The following DNM1 variants were observed in gnomAD, a reference collection of about 807,000 sequenced individuals.
DNM1 encodes dynamin-1.
DNM1 carries 29 observed loss-of-function variants against 104.6 expected under a neutral mutation model. The observed-to-expected ratio is 0.28, with a 90% CI of 0.21 to 0.38. The LOEUF is 0.38. DNM1 is among the 10% of genes least tolerant of loss of function. The probability of loss-of-function intolerance (pLI) is 1.00; values close to 1 mark genes in which losing one functional copy is unlikely to be tolerated. For missense variants in DNM1, 640 were observed against 1,189.4 expected, an observed-to-expected ratio of 0.54 and a Z score of 6.79; for synonymous variants, 445 against 475.8, an observed-to-expected ratio of 0.94 and a Z score of 0.84.
intron 13 of DNM1, 24 bp downstream of exon 13, chr9:128,239,803 C>T (rs752687691): frequency 4.4e-5 from 71 of 1,609,170 alleles, no homozygotes; most frequent in Non-Finnish European, 5.4e-5. Context: ...AGCACCCCAG[C>T]CCGAGGGATG....
At position 128,255,072 on chromosome 9, in the gene DNM1, A is replaced by C. The variant is rs1588472042; in HGVS notation, c.*358A>C. 1.1e-5 allele frequency: 2 copies of C among 187,500 alleles called. No individual in the cohort carries two copies. Among genetic ancestry groups the C allele is most frequent in the South Asian group, 9.9e-5 (1 of 10,098 alleles). The allele number at this position is 187,500 out of a possible 1,614,324, so 11.6% of individuals were successfully genotyped here. On this transcript the variant is annotated 3_prime_UTR_variant, in exon 22 of 22. Transcript: ENST00000372923. ...CCGACATCCCACTCCAAAGTGTGCC[A>C]CCTCCAGTGAGCCTCCTTGTCATGC...
intron 1 of DNM1, among the ~76,000 whole-genome samples, chr9:128,205,919 G>A (rs1833931706): frequency 6.6e-6 from 1 of 152,198 alleles, no homozygotes; most frequent in Non-Finnish European, 1.5e-5. Context: ...CAATGCCCTT[G>A]GCCGTTGTCC....
At position 128,247,352 on chromosome 9, in the gene DNM1, T is replaced by C. The variant is rs1298507331; in HGVS notation, c.1782-23T>C. 3 of 1,575,596 alleles carry C rather than the reference T, an allele frequency of 1.9e-6. No homozygotes were observed. In the East Asian group the frequency reaches 6.8e-5, roughly 36 times the overall value. ...AGGGTCAGACTTTGCCCATCTGCCCTCACTGCCTGCCCTATCTTGCAGGAA... is the reference window on the plus strand; with the variant it reads ...AGGGTCAGACTTTGCCCATCTGCCCCCACTGCCTGCCCTATCTTGCAGGAA... On this transcript the variant is annotated intron_variant, in intron 16 of 21. Coordinates refer to ENST00000372923, the MANE Select transcript of DNM1 (RefSeq NM_004408.4). This position sits in a 1 kb window ranked among gnomAD's most constrained non-coding sequence, Gnocchi z 5.1.
Position 128,208,290 on chromosome 9 carries a change from C to T in DNM1, c.161+4659C>T, listed in dbSNP as rs138400393. On this transcript the variant is annotated intron_variant, in intron 1 of 21. Transcript: ENST00000372923. ...GTCCAGGCTGGTCTCAACTCCTGAC[C>T]TCCAGTGATCCACCCACCTCAGCCT... Among the ~76,000 whole-genome samples the T allele has an allele frequency of 7.3e-4, 111 of 152,226 alleles. 1 individual carries two copies. In the East Asian group the frequency reaches 0.01, roughly 14 times the overall value.
intron 10 of DNM1, among the ~76,000 whole-genome samples, chr9:128,228,011 C>T (rs1473440492): frequency 6.6e-6 from 1 of 151,574 alleles, no homozygotes; most frequent in Non-Finnish European, 1.5e-5. Context: ...CCACACCCCA[C>T]CCAGCTAATA....
rs1833669005 is a variant in DNM1 at position 128,203,853 on chromosome 9, G to A, written c.161+222G>A. ...GTCTGCAAACGTCGTCAAGCCTCCGGCTACCGAATCACGCCCCCTCCTCCG... is the reference window on the plus strand; with the variant it reads ...GTCTGCAAACGTCGTCAAGCCTCCGACTACCGAATCACGCCCCCTCCTCCG... On this transcript the variant is annotated intron_variant, in intron 1 of 21. Coordinates refer to ENST00000372923, the MANE Select transcript of DNM1 (RefSeq NM_004408.4). The surrounding 1 kb of genome is among the most constrained non-coding windows in gnomAD (Gnocchi z 5.3). Among the ~76,000 whole-genome samples, 1 of 150,764 alleles carries A rather than the reference G, an allele frequency of 6.6e-6. No individual in the cohort carries two copies.
At position 128,254,901 on chromosome 9, in the gene DNM1, C is replaced by T; in HGVS notation, c.*187C>T. ...AAACTTGTGCCCCTTCTGTGGTATG[C>T]CCTTGCCCTGTTCTATAAATATCTA... On this transcript the variant is annotated 3_prime_UTR_variant, in exon 22 of 22. Transcript: ENST00000372923. This position sits in a 1 kb window ranked among gnomAD's most constrained non-coding sequence, Gnocchi z 6.1. 2 of 588,422 alleles carry T rather than the reference C, an allele frequency of 3.4e-6. No homozygotes were observed. Among genetic ancestry groups the T allele is most frequent in the African/African-American group, 1.9e-5 (1 of 53,364 alleles). The allele number at this position is 588,422 out of a possible 1,614,324, so 36.5% of individuals were successfully genotyped here. A position where few individuals can be genotyped will look rare whatever the true frequency, so the allele number is the denominator to read the frequency against.
intron 15 of DNM1, among the ~76,000 whole-genome samples, 162 bp downstream of exon 15, chr9:128,242,507 C>T (rs561600261): frequency 1.3e-5 from 2 of 152,232 alleles, no homozygotes; most frequent in Admixed American, 1.3e-4. Flanking sequence ...CACCTATAAT[C>T]CCAGCACTTT....
At chr9:128,244,966 A>C (rs545354223) in intron 15 of DNM1, 12 of 271,854 alleles carry the variant, frequency 4.4e-5, no homozygotes, top group Middle Eastern at 4.5e-4. Flanking sequence ...TCTGCTCCCA[A>C]CTCCCCTTCT....
chr9:128,211,567 A>G (rs1206676689), intron 1 of DNM1, among the ~76,000 whole-genome samples: 1 of 145,100 alleles, frequency 6.9e-6, no homozygotes, highest in East Asian at 2.1e-4. Context: ...CCAGGTCTCA[A>G]ACTCCTGGCC....
At chr9:128,242,171 C>A (rs766813246) in intron 14 of DNM1, 61 bp from the exon 15 acceptor site, 3 of 954,478 alleles carry the variant, frequency 3.1e-6, no homozygotes, top group Non-Finnish European at 5.1e-6. Context: ...CTTTGCCTAC[C>A]CCATCCCCCA....
In DNM1 at chr9:128,245,851, G is replaced by A. The variant is rs1382667683; in HGVS notation, c.1672-543G>A. 1.3e-5 allele frequency among the ~76,000 whole-genome samples: 2 copies of A among 152,222 alleles called. No individual in the cohort carries two copies. The highest frequency in any genetic ancestry group is 1.3e-4 in the Admixed American group (2 of 15,282). On this transcript the variant is annotated intron_variant, in intron 15 of 21. Coordinates refer to ENST00000372923, the MANE Select transcript of DNM1 (RefSeq NM_004408.4). The surrounding 1 kb of genome is among the most constrained non-coding windows in gnomAD (Gnocchi z 5.2). ...GCTGATAGGATATGTACTTGGGCTT[G>A]CATGTGTTGGCACAAACACACAACT...
rs1829746602 is a variant in DNM1 at position 128,254,636 on chromosome 9, T to C, written c.2535-18T>C. 3 of 1,594,494 alleles carry C rather than the reference T, an allele frequency of 1.9e-6. No individual in the cohort carries two copies. The East Asian group carries it at 6.7e-5, about 36-fold the overall frequency. On this transcript the variant is annotated intron_variant, in intron 21 of 21. Transcript: ENST00000372923. This position sits in a 1 kb window ranked among gnomAD's most constrained non-coding sequence, Gnocchi z 6.1. ...CTTTTCTCTCCCGTTTTCTCTCTGC[T>C]TTCTCTCCAACTGCCAGCCGATCGG...
intron 16 of DNM1, 130 bp downstream of exon 16, chr9:128,246,633 T>C: frequency 1.5e-6 from 1 of 654,564 alleles, no homozygotes; most frequent in South Asian, 1.7e-5. Context: ...CACTGACAGA[T>C]GCTTATTGAG....
chr9:128,204,740 ATCT>A (rs997753591), intron 1 of DNM1: 13 of 152,418 alleles, frequency 8.5e-5, no homozygotes, highest in African/African-American at 3.1e-4. Context: ...TCTCCCCCCC[ATCT>A]TCTTCAGAAA....
In DNM1 at chr9:128,240,076, AG is replaced by A; in HGVS notation, c.1557+82del. ...TCGGCAGTGGGGATCTGCAACGGGT[AG>A]GAGGGCACCCTTTGGCTGAAGCTGC... On this transcript the variant is annotated intron_variant, in intron 14 of 21. Coordinates refer to ENST00000372923, the MANE Select transcript of DNM1 (RefSeq NM_004408.4). The surrounding 1 kb of genome is among the most constrained non-coding windows in gnomAD (Gnocchi z 5.1). 1 of 1,531,110 alleles carries A rather than the reference AG, an allele frequency of 6.5e-7. No individual in the cohort carries two copies. The highest frequency in any genetic ancestry group is 1.1e-5 in the South Asian group (1 of 89,464). The allele number at this position is 1,531,110 out of a possible 1,614,324, so 94.8% of individuals were successfully genotyped here.
chr9:128,215,604 C>T (rs1306713882), intron 1 of DNM1, among the ~76,000 whole-genome samples: 1 of 152,222 alleles, frequency 6.6e-6, no homozygotes, highest in Non-Finnish European at 1.5e-5. Flanking sequence ...CTGGCCCAGA[C>T]CCTGACCACC....
At position 128,254,551 on chromosome 9, in the gene DNM1, CTGCTG is replaced by C. The variant is rs1829731072; in HGVS notation, c.2535-102_2535-98del. The stretch of plus-strand genomic sequence containing the variant: ...CCTCCCCTCCCCGGCCCTCCCACCA[CTGCTG>C]CGGCGCGGCCGGCCCCGGCCGTGTG... On this transcript the variant is annotated intron_variant, in intron 21 of 21. Coordinates refer to ENST00000372923, the MANE Select transcript of DNM1 (RefSeq NM_004408.4). The surrounding 1 kb of genome is among the most constrained non-coding windows in gnomAD (Gnocchi z 6.1). The C allele has an allele frequency of 5.7e-6, 9 of 1,572,482 alleles. No individual in the cohort carries two copies. In the African/African-American group the frequency reaches 1.1e-4, roughly 19 times the overall value.
rs1836951742 is a variant in DNM1, at chr9:128,248,280, C to T, written c.1906-303C>T. 6.1e-6 allele frequency: 3 copies of T among 488,652 alleles called. No individual in the cohort carries two copies. Among genetic ancestry groups the T allele is most frequent in the African/African-American group, 1.9e-5 (1 of 51,862 alleles). The allele number at this position is 488,652 out of a possible 1,614,324, so 30.3% of individuals were successfully genotyped here. A position where few individuals can be genotyped will look rare whatever the true frequency, so the allele number is the denominator to read the frequency against. On this transcript the variant is annotated intron_variant, in intron 18 of 21. Transcript: ENST00000372923. This position sits in a 1 kb window ranked among gnomAD's most constrained non-coding sequence, Gnocchi z 5.6. ...AGGAGGTTGCAATGAGCCAATACAGCACCACTGCACTCCAGCCTGGGTGAC... is the reference window on the plus strand; with the variant it reads ...AGGAGGTTGCAATGAGCCAATACAGTACCACTGCACTCCAGCCTGGGTGAC...
Sources: gnomAD v4.1 joint callset for allele counts (sites outside exome capture counted in the v4.1 genomes callset) on GRCh38, gnomAD v4.1.1 for gene constraint, Gnocchi (gnomAD v3.1) non-coding constraint, MANE v1.5 for transcripts, NCBI Gene and HGNC (gene_info 2026-07-23, HGNC 2026-07-21) for gene names.